Variants in PTPRD observed in about 807,000 individuals in gnomAD.
PTPRD encodes protein tyrosine phosphatase receptor type D, also known as receptor-type tyrosine-protein phosphatase delta.
Under a neutral mutation model 214.5 loss-of-function variants are expected in PTPRD, and 34 were observed. The observed-to-expected ratio is 0.16, with a 90% CI of 0.12 to 0.21. PTPRD has a LOEUF of 0.21. PTPRD is among the 10% of genes least tolerant of loss of function. PTPRD has a pLI of 1.00. For synonymous variants in PTPRD, 1,128 were observed against 845.7 expected, an observed-to-expected ratio of 1.33 and a Z score of -5.79; for missense variants, 2,545 against 2,398.7, an observed-to-expected ratio of 1.06 and a Z score of -1.27.
intron 11 of PTPRD, among the ~76,000 whole-genome samples, chr9:8,777,561 G>T (rs560323351): frequency 6.6e-6 from 1 of 152,246 alleles, no homozygotes; most frequent in East Asian, 1.9e-4. Context: ...TGTTTTTTAA[G>T]ATACCTAAAA....
intron 11 of PTPRD, among the ~76,000 whole-genome samples, chr9:8,937,036 A>T (rs1416057020): frequency 6.6e-6 from 1 of 152,070 alleles, no homozygotes; most frequent in Admixed American, 6.6e-5. Context: ...AGACATTACC[A>T]CTTTCTGATG....
At chr9:9,213,991 A>T (rs2099950515) in intron 9 of PTPRD, among the ~76,000 whole-genome samples, 1 of 152,104 alleles carries the variant, frequency 6.6e-6, no homozygotes, top group South Asian at 2.1e-4. Flanking sequence ...TGATAATAAG[A>T]ATGATAGCAA....
rs1181403459 is a variant in PTPRD at position 8,936,427 on chromosome 9, C to CAAAAAAAAAAAAAAAAAAAAAA, written c.-104+82248_-104+82269dup. On this transcript the variant is annotated intron_variant, in intron 11 of 45. Coordinates refer to ENST00000381196, the MANE Select transcript of PTPRD (RefSeq NM_002839.4). Reference sequence around the variant, plus strand: ...AGGCAACAGAGCAAGACCCTGCCTCCAAAAAAAAAAAAAAAAAAAAAAAGA... The same window carrying CAAAAAAAAAAAAAAAAAAAAAA: ...AGGCAACAGAGCAAGACCCTGCCTCCAAAAAAAAAAAAAAAAAAAAAAAAAAAAAAAAAAAAAAAAAAAAAGA... Among the ~76,000 whole-genome samples the CAAAAAAAAAAAAAAAAAAAAAA allele has an allele frequency of 5.7e-4, 18 of 31,636 alleles. 1 individual carries two copies. Among genetic ancestry groups the CAAAAAAAAAAAAAAAAAAAAAA allele is most frequent in the Non-Finnish European group, 7.4e-4 (14 of 19,042 alleles). 20.8% of individuals were successfully genotyped at this position (31,636 alleles called of 152,430 possible). A position where few individuals can be genotyped will look rare whatever the true frequency, so the allele number is the denominator to read the frequency against.
chr9:9,042,550 G>C (rs892472733), intron 10 of PTPRD, among the ~76,000 whole-genome samples: 1 of 151,480 alleles, frequency 6.6e-6, no homozygotes, highest in Non-Finnish European at 1.5e-5. Context: ...AGAAATTAGA[G>C]TCACTTAAGA....
intron 3 of PTPRD, among the ~76,000 whole-genome samples, chr9:10,150,512 G>C (rs547406316): frequency 6.6e-6 from 1 of 151,966 alleles, no homozygotes. Flanking sequence ...GGCCTTTCGT[G>C]GGGCAGGAGG....
At chr9:9,028,424 T>C (rs895021728) in intron 10 of PTPRD, among the ~76,000 whole-genome samples, 3 of 151,996 alleles carry the variant, frequency 2.0e-5, no homozygotes, top group Non-Finnish European at 4.4e-5. Context: ...ATTTCATTTA[T>C]CCTTCTAAAA....
At chr9:9,450,094 T>C (rs2091689871) in intron 8 of PTPRD, among the ~76,000 whole-genome samples, 1 of 107,632 alleles carries the variant, frequency 9.3e-6, no homozygotes, top group East Asian at 2.9e-4. Context: ...TAGTATTCCA[T>C]GGTGTGTGTG....
At chr9:10,195,004 C>T (rs2099391776) in intron 3 of PTPRD, among the ~76,000 whole-genome samples, 1 of 149,722 alleles carries the variant, frequency 6.7e-6, no homozygotes, top group Non-Finnish European at 1.5e-5. Flanking sequence ...ATGGTCCCGG[C>T]TCACTGTAAC....
At chr9:8,338,485 T>G (rs545634533) in intron 43 of PTPRD, among the ~76,000 whole-genome samples, 1 of 152,164 alleles carries the variant, frequency 6.6e-6, no homozygotes, top group African/African-American at 2.4e-5. Flanking sequence ...TGCTCTGCGG[T>G]TTTAAAATCA....
chr9:9,323,682 C>G (rs1487399228), intron 9 of PTPRD, among the ~76,000 whole-genome samples: 1 of 151,886 alleles, frequency 6.6e-6, no homozygotes, highest in Non-Finnish European at 1.5e-5. Flanking sequence ...GTTCCATATG[C>G]ATTCTCTCTC....
chr9:9,377,917 ATT>A (rs58869276), intron 9 of PTPRD, among the ~76,000 whole-genome samples: 1 of 151,336 alleles, frequency 6.6e-6, no homozygotes, highest in African/African-American at 2.4e-5. Flanking sequence ...TCTTAAGACT[ATT>A]TTTTTTTAAA....
chr9:10,125,421 ATT>A (rs1203150288), intron 3 of PTPRD, among the ~76,000 whole-genome samples: 3 of 122,198 alleles, frequency 2.5e-5, no homozygotes, highest in Non-Finnish European at 5.2e-5. Flanking sequence ...ATTTTGTTTT[ATT>A]TTATTATTAT....
At chr9:9,897,461 C>T (rs1015019415) in intron 5 of PTPRD, among the ~76,000 whole-genome samples, 1 of 151,790 alleles carries the variant, frequency 6.6e-6, no homozygotes, top group African/African-American at 2.4e-5. Context: ...CTTTAGGAAA[C>T]CAAAAAAAGT....
At chr9:9,583,594 T>A (rs1020079897) in intron 7 of PTPRD, among the ~76,000 whole-genome samples, 1 of 152,026 alleles carries the variant, frequency 6.6e-6, no homozygotes, top group African/African-American at 2.4e-5. Context: ...TAAGAAGAAA[T>A]TAAAATTATA....
chr9:9,537,658 AG>A (rs1261456546), intron 8 of PTPRD, among the ~76,000 whole-genome samples: 1 of 151,998 alleles, frequency 6.6e-6, no homozygotes, highest in African/African-American at 2.4e-5. Context: ...GATATGGCTA[AG>A]GGTGTTGTTT....
intron 11 of PTPRD, among the ~76,000 whole-genome samples, chr9:8,882,843 C>G (rs546172973): frequency 7.0e-6 from 1 of 143,696 alleles, no homozygotes; most frequent in Non-Finnish European, 1.5e-5. Context: ...CGAGATCACA[C>G]CACTACACTC....
At chr9:9,040,649 G>C (rs924883645) in intron 10 of PTPRD, among the ~76,000 whole-genome samples, 1 of 151,992 alleles carries the variant, frequency 6.6e-6, no homozygotes, top group African/African-American at 2.4e-5. Flanking sequence ...ATTGTAGCAA[G>C]AACATATTTT....
In PTPRD at chr9:10,173,292, ATAT is replaced by A. The variant is rs2099223211; in HGVS notation, c.-544-139505_-544-139503del. The stretch of plus-strand genomic sequence containing the variant: ...CTTTGAAAAGAAATTAGAAAACAAA[ATAT>A]TATAAATAATGGAGTGTTACAGGAC... On this transcript the variant is annotated intron_variant, in intron 3 of 45. Transcript: ENST00000381196. Among the ~76,000 whole-genome samples, 9 of 152,316 alleles carry A rather than the reference ATAT, an allele frequency of 5.9e-5. No homozygotes were observed. In the South Asian group the frequency reaches 1.9e-3, roughly 32 times the overall value.
chr9:10,543,562 G>A (rs1466548123), intron 2 of PTPRD, among the ~76,000 whole-genome samples: 2 of 151,446 alleles, frequency 1.3e-5, no homozygotes, highest in South Asian at 2.1e-4. Flanking sequence ...ATATGTTTAT[G>A]ACCACAGATG....
Sources: gnomAD v4.1 joint callset for allele counts (sites outside exome capture counted in the v4.1 genomes callset) on GRCh38, gnomAD v4.1.1 for gene constraint, MANE v1.5 for transcripts, NCBI Gene and HGNC (gene_info 2026-07-23, HGNC 2026-07-21) for gene names.